Variants in LRP1B observed in about 807,000 individuals in gnomAD.
LRP1B encodes LDL receptor related protein 1B, also known as low-density lipoprotein receptor-related protein 1B.
A neutral mutation model predicts 556.6 loss-of-function variants in LRP1B; 217 were observed. That is an observed-to-expected ratio of 0.39 (90% confidence interval 0.35 to 0.44). LRP1B has a LOEUF of 0.44. Among genes scored for constraint, LRP1B ranks in the 20% least tolerant of loss-of-function variants. The pLI is 1.00. For missense variants in LRP1B, 5,053 were observed against 5,620.8 expected (o/e 0.90, Z 3.23); for synonymous variants, 2,047 against 1,865.8 (o/e 1.10, Z -2.50).
intron 49 of LRP1B, among the ~76,000 whole-genome samples, chr2:140,525,229 C>G (rs1272421999): frequency 1.3e-5 from 2 of 151,550 alleles, no homozygotes; most frequent in Non-Finnish European, 2.9e-5. Flanking sequence ...ATACATAGTT[C>G]TTTTTATAAT....
intron 76 of LRP1B, among the ~76,000 whole-genome samples, chr2:140,351,756 AAATAAT>A (rs749289635): frequency 5.3e-5 from 8 of 152,058 alleles, no homozygotes; most frequent in African/African-American, 9.7e-5. Flanking sequence ...TTCTGCAAAT[AAATAAT>A]AATAATAATA....
intron 35 of LRP1B, among the ~76,000 whole-genome samples, chr2:140,726,770 A>G (rs1203357903): frequency 6.6e-6 from 1 of 152,130 alleles, no homozygotes; most frequent in Non-Finnish European, 1.5e-5. Flanking sequence ...ACTTTTAGCA[A>G]AATATACAAG....
chr2:140,806,665 T>G (rs1573744149), intron 32 of LRP1B, among the ~76,000 whole-genome samples: 1 of 152,306 alleles, frequency 6.6e-6, no homozygotes, highest in East Asian at 1.9e-4. Context: ...AGTACATAAT[T>G]GTCAGTGATT....
intron 79 of LRP1B, among the ~76,000 whole-genome samples, chr2:140,328,471 TGAAAGAAAA>T (rs1680612308): frequency 8.5e-6 from 1 of 117,696 alleles, no homozygotes; most frequent in Non-Finnish European, 2.0e-5. Flanking sequence ...TGGAAGAAAA[TGAAAGAAAA>T]AAAAAAAGAA....
chr2:141,595,878 G>A (rs761376391), intron 2 of LRP1B, among the ~76,000 whole-genome samples: 12 of 151,984 alleles, frequency 7.9e-5, no homozygotes, highest in Non-Finnish European at 1.3e-4. Flanking sequence ...GTCGCTGAAA[G>A]TTAATTGGAA....
intron 18 of LRP1B, among the ~76,000 whole-genome samples, chr2:140,975,555 G>A (rs1427087887): frequency 6.6e-6 from 1 of 152,162 alleles, no homozygotes; most frequent in Admixed American, 6.6e-5. Flanking sequence ...GGAGGAGAAA[G>A]CTTTGACTAA....
chr2:141,608,041 A>G (rs1313383025), intron 2 of LRP1B, among the ~76,000 whole-genome samples: 2 of 152,090 alleles, frequency 1.3e-5, no homozygotes, highest in Non-Finnish European at 2.9e-5. Flanking sequence ...ACTGACCAAC[A>G]TGGAGGAACC....
intron 18 of LRP1B, among the ~76,000 whole-genome samples, chr2:140,974,216 A>C (rs1253383254): frequency 6.6e-6 from 1 of 152,200 alleles, no homozygotes; most frequent in African/African-American, 2.4e-5. Context: ...CTTACTGCCC[A>C]ACAGTGGAAT....
intron 63 of LRP1B, among the ~76,000 whole-genome samples, chr2:140,445,898 ATTATC>A (rs1686638203): frequency 6.6e-6 from 1 of 152,182 alleles, no homozygotes; most frequent in Admixed American, 6.5e-5. Flanking sequence ...TGAGGTTAAT[ATTATC>A]TTTATTAGCT....
chr2:141,131,763 T>G (rs1297731400), intron 7 of LRP1B, among the ~76,000 whole-genome samples: 1 of 152,002 alleles, frequency 6.6e-6, no homozygotes, highest in Non-Finnish European at 1.5e-5. Context: ...CAAATCAGTT[T>G]AAAAAGTCTT....
intron 27 of LRP1B, among the ~76,000 whole-genome samples, chr2:140,855,679 A>G (rs1692596487): frequency 6.6e-6 from 1 of 151,818 alleles, no homozygotes; most frequent in Non-Finnish European, 1.5e-5. Flanking sequence ...AGAAGTTATC[A>G]AGGCCAGGTA....
At chr2:142,040,727 A>G (rs1288074945) in intron 1 of LRP1B, among the ~76,000 whole-genome samples, 2 of 151,160 alleles carry the variant, frequency 1.3e-5, no homozygotes, top group Non-Finnish European at 3.0e-5. Context: ...TGAGTGATTC[A>G]TGTCTATTAA....
chr2:141,501,594 G>T (rs1683713122), intron 2 of LRP1B, among the ~76,000 whole-genome samples: 1 of 152,148 alleles, frequency 6.6e-6, no homozygotes, highest in Non-Finnish European at 1.5e-5. Context: ...TGTTGAAGTT[G>T]CAGTGGTGAT....
At chr2:141,392,543 C>A (rs1690093081) in intron 3 of LRP1B, among the ~76,000 whole-genome samples, 1 of 150,476 alleles carries the variant, frequency 6.6e-6, no homozygotes, top group Non-Finnish European at 1.5e-5. Flanking sequence ...GATCAGATGA[C>A]CCAATAAGTC....
chr2:140,783,865 G>A (rs182393270), intron 32 of LRP1B, among the ~76,000 whole-genome samples: 6 of 152,150 alleles, frequency 3.9e-5, no homozygotes, highest in Non-Finnish European at 8.8e-5. Flanking sequence ...GAAGGATTAC[G>A]TGATAATCTA....
At chr2:142,014,555 C>T (rs2105162032) in intron 1 of LRP1B, among the ~76,000 whole-genome samples, 1 of 152,024 alleles carries the variant, frequency 6.6e-6, no homozygotes, top group South Asian at 2.1e-4. Context: ...ACAGTAAATG[C>T]CCAATTTTAT....
chr2:140,752,019 A>T (rs752242616), intron 35 of LRP1B, among the ~76,000 whole-genome samples: 1 of 152,108 alleles, frequency 6.6e-6, no homozygotes, highest in African/African-American at 2.4e-5. Flanking sequence ...AGTTAAGAAC[A>T]CTTAGCCACT....
At chr2:141,658,150 GA>G (rs1259443416) in intron 2 of LRP1B, among the ~76,000 whole-genome samples, 1 of 152,132 alleles carries the variant, frequency 6.6e-6, no homozygotes, top group African/African-American at 2.4e-5. Flanking sequence ...AAAAATTATT[GA>G]GGGGGATGAG....
At chr2:141,517,273 G>GCACATACACACACACACACACACATAC (rs1684359044) in intron 2 of LRP1B, among the ~76,000 whole-genome samples, 1 of 149,880 alleles carries the variant, frequency 6.7e-6, no homozygotes, top group African/African-American at 2.5e-5. Context: ...CACACACACA[G>GCACATACACACACACACACACACATAC]ACACACACAC....
Sources: allele counts gnomAD v4.1 joint callset (sites outside exome capture counted in the v4.1 genomes callset), GRCh38; gene constraint gnomAD v4.1.1; transcripts MANE v1.5; gene names NCBI Gene and HGNC (gene_info 2026-07-23, HGNC 2026-07-21).